Variants in EML4 observed in about 807,000 individuals in gnomAD.
EML4 encodes the protein echinoderm microtubule-associated protein-like 4.
EML4 carries 72 observed loss-of-function variants against 129.0 expected under a neutral mutation model. The ratio of observed to expected loss-of-function variants is 0.56; its 90% CI spans 0.46 to 0.68. The LOEUF (loss-of-function observed/expected upper bound fraction) is 0.68, where lower values mean the gene tolerates loss of function less well. Among genes scored for constraint, EML4 ranks in the 30% least tolerant of loss-of-function variants. EML4 has a pLI of 0.00. For synonymous variants in EML4, 532 were observed against 405.0 expected (o/e 1.31, Z -3.77); for missense variants, 1,363 against 1,190.6 (o/e 1.14, Z -2.13).
intron 6 of EML4, among the ~76,000 whole-genome samples, chr2:42,273,737 C>A (rs888852352): frequency 6.6e-6 from 1 of 152,100 alleles, no homozygotes; most frequent in East Asian, 1.9e-4. Context: ...TTAGCAAGTA[C>A]TGGAACTAAA....
intron 6 of EML4, among the ~76,000 whole-genome samples, chr2:42,271,647 T>C (rs375721493): frequency 1.2e-4 from 18 of 152,212 alleles, no homozygotes; most frequent in African/African-American, 3.9e-4. Context: ...TCTAATCTTA[T>C]ACGTATTTAT....
chr2:42,202,817 C>G (rs1003454957), intron 1 of EML4, among the ~76,000 whole-genome samples: 7 of 152,158 alleles, frequency 4.6e-5, no homozygotes, highest in Non-Finnish European at 1.0e-4. Context: ...AGTTGACACT[C>G]AGCATTAACC....
intron 20 of EML4, 23 bp from the exon 21 acceptor site, chr2:42,326,131 A>G: frequency 6.2e-7 from 1 of 1,611,242 alleles, no homozygotes; most frequent in East Asian, 2.2e-5. Context: ...CTATGATTAT[A>G]CTTCCTGTTT....
At position 42,288,378 on chromosome 2, in the gene EML4, G is replaced by A. The variant is rs934189887; in HGVS notation, c.1218+56G>A. On this transcript the variant is annotated intron_variant, in intron 11 of 22. Coordinates refer to ENST00000318522, the MANE Select transcript of EML4 (RefSeq NM_019063.5). The stretch of plus-strand genomic sequence containing the variant: ...TTAGAGTACGTTACTTGTTTTGCAG[G>A]TATTTGGAACTATATTGGTATTAGA... The A allele has an allele frequency of 9.8e-6, 9 of 922,682 alleles. No individual in the cohort carries two copies. The African/African-American group carries it at 1.5e-4, about 15-fold the overall frequency. 57.2% of individuals were successfully genotyped at this position (922,682 alleles called of 1,614,324 possible). A position where few individuals can be genotyped will look rare whatever the true frequency, so the allele number is the denominator to read the frequency against.
At chr2:42,275,883 C>T (rs987479006) in intron 6 of EML4, among the ~76,000 whole-genome samples, 2 of 152,088 alleles carry the variant, frequency 1.3e-5, no homozygotes, top group Admixed American at 6.6e-5. Flanking sequence ...TCTGGACCAC[C>T]AGACTTTGTA....
intron 11 of EML4, 194 bp downstream of exon 11, chr2:42,288,516 A>G (rs571733945): frequency 3.0e-6 from 1 of 336,346 alleles, no homozygotes; most frequent in Non-Finnish European, 5.4e-6. Flanking sequence ...TAAAATAGTC[A>G]AGCAACTTGA....
intron 9 of EML4, 83 bp from the exon 10 acceptor site, chr2:42,286,186 T>C (rs1667297451): frequency 2.4e-6 from 2 of 826,110 alleles, no homozygotes; most frequent in East Asian, 2.4e-5. Flanking sequence ...CTATTACTTT[T>C]TTAAATGGCA....
intron 1 of EML4, among the ~76,000 whole-genome samples, chr2:42,234,071 C>G: frequency 6.6e-6 from 1 of 152,248 alleles, no homozygotes; most frequent in East Asian, 1.9e-4. Flanking sequence ...CTCCTCAAAG[C>G]AGCCCAGGTT....
intron 6 of EML4, among the ~76,000 whole-genome samples, chr2:42,277,773 T>G (rs1336369476): frequency 6.6e-6 from 1 of 152,174 alleles, no homozygotes; most frequent in African/African-American, 2.4e-5. Context: ...TTCACCGTGT[T>G]GGCCAGGCTG....
rs536699374 is a variant in EML4 at position 42,331,282 on chromosome 2, C to G, written c.*1075C>G. The G allele has an allele frequency of 3.4e-4, 75 of 222,420 alleles. No individual in the cohort carries two copies. Among genetic ancestry groups the G allele is most frequent in the African/African-American group, 1.6e-3 (70 of 44,810 alleles). The allele number at this position is 222,420 out of a possible 1,614,324, so 13.8% of individuals were successfully genotyped here. On this transcript the variant is annotated 3_prime_UTR_variant, in exon 23 of 23. Transcript: ENST00000318522. ...GTAACAGTCACAGCAGTTTTTTTTA[C>G]CAACAGCATACTTAACAGACTTGCT...
intron 1 of EML4, among the ~76,000 whole-genome samples, chr2:42,213,156 T>G (rs1434016262): frequency 6.6e-6 from 1 of 152,212 alleles, no homozygotes; most frequent in Non-Finnish European, 1.5e-5. Flanking sequence ...GAAGTCTACC[T>G]TAACGTACAG....
chr2:42,278,760 C>A (rs916599426), intron 6 of EML4, among the ~76,000 whole-genome samples: 17 of 151,484 alleles, frequency 1.1e-4, no homozygotes, highest in Admixed American at 4.6e-4. Context: ...ATGGTGAAAC[C>A]CCATCTCTAC....
chr2:42,189,013 T>G (rs1453825663), intron 1 of EML4, among the ~76,000 whole-genome samples: 1 of 152,138 alleles, frequency 6.6e-6, no homozygotes, highest in Non-Finnish European at 1.5e-5. Context: ...GTTATCCCAC[T>G]TACAGCTTTT....
chr2:42,255,044 A>T (rs1427588170), intron 2 of EML4, among the ~76,000 whole-genome samples: 1 of 152,010 alleles, frequency 6.6e-6, no homozygotes, highest in African/African-American at 2.4e-5. Flanking sequence ...AGGGTAGGGT[A>T]CAGGGAGTGA....
intron 19 of EML4, among the ~76,000 whole-genome samples, 171 bp downstream of exon 19, chr2:42,317,695 T>C (rs749551961): frequency 2.0e-5 from 3 of 152,214 alleles, no homozygotes; most frequent in Non-Finnish European, 4.4e-5. Context: ...GTTCCCTGTG[T>C]GCTCTAAAAA....
At chr2:42,311,520 A>C (rs1228198200) in intron 17 of EML4, among the ~76,000 whole-genome samples, 1 of 152,122 alleles carries the variant, frequency 6.6e-6, no homozygotes, top group Non-Finnish European at 1.5e-5. Context: ...CAGCCTGGGC[A>C]ACAGAGCGAG....
intron 1 of EML4, among the ~76,000 whole-genome samples, chr2:42,229,781 GACCTCTTGGTTGGGCT>G (rs1674208373): frequency 6.6e-6 from 1 of 152,004 alleles, no homozygotes; most frequent in Non-Finnish European, 1.5e-5. Context: ...GAGAACATCT[GACCTCTTGGTTGGGCT>G]AAATCTCTAA....
chr2:42,206,012 A>T (rs1456213153), intron 1 of EML4, among the ~76,000 whole-genome samples: 2 of 152,110 alleles, frequency 1.3e-5, no homozygotes, highest in Non-Finnish European at 2.9e-5. Flanking sequence ...TTTGCCTCTG[A>T]ATTTCTAGCA....
intron 1 of EML4, among the ~76,000 whole-genome samples, chr2:42,215,004 T>G (rs995548964): frequency 2.0e-4 from 31 of 152,114 alleles, no homozygotes; most frequent in African/African-American, 6.5e-4. Context: ...CGTGTTTCAT[T>G]GGGGGTTCAT....
Sources: allele counts gnomAD v4.1 joint callset (sites outside exome capture counted in the v4.1 genomes callset), GRCh38; gene constraint gnomAD v4.1.1; transcripts MANE v1.5; gene names NCBI Gene and HGNC (gene_info 2026-07-23, HGNC 2026-07-21).